The following TCF20 variants were observed in gnomAD, a reference collection of about 807,000 sequenced individuals.
The protein encoded by TCF20 is SPRE-binding protein.
Under a neutral mutation model 148.6 loss-of-function variants are expected in TCF20, and 3 were observed. That is an observed-to-expected ratio of 0.02 (90% confidence interval 0.01 to 0.05). The LOEUF is 0.05. Among genes scored for constraint, TCF20 ranks in the 10% least tolerant of loss-of-function variants. TCF20 has a pLI of 1.00. For missense variants in TCF20, 2,350 were observed against 2,429.3 expected (o/e 0.97, Z 0.69); for synonymous variants, 1,049 against 909.5 (o/e 1.15, Z -2.76).
chr22:42,273,036 C>T (rs1812877381), upstream of TCF20, among the ~76,000 whole-genome samples: 1 of 151,918 alleles, frequency 6.6e-6, no homozygotes, highest in South Asian at 2.1e-4. Flanking sequence ...TTTTTAATTA[C>T]CTCACTCATA....
intron 1 of TCF20, among the ~76,000 whole-genome samples, chr22:42,301,496 A>G (rs999291764): frequency 6.6e-6 from 1 of 152,182 alleles, no homozygotes; most frequent in Non-Finnish European, 1.5e-5. Flanking sequence ...ACAGGAGGGG[A>G]CACTGTTCCC....
intron 2 of TCF20, among the ~76,000 whole-genome samples, chr22:42,187,299 T>A (rs1436097053): frequency 6.6e-6 from 1 of 152,220 alleles, no homozygotes; most frequent in Non-Finnish European, 1.5e-5. Flanking sequence ...CTTTCTTTAA[T>A]CTGATCATCT....
chr22:42,308,230 G>A (rs1927469926), intron 1 of TCF20, among the ~76,000 whole-genome samples: 1 of 152,156 alleles, frequency 6.6e-6, no homozygotes. Flanking sequence ...CTATAGTGAG[G>A]CGGGGGACCC....
intron 1 of TCF20, among the ~76,000 whole-genome samples, chr22:42,250,932 CCA>C (rs1236093176): frequency 6.6e-6 from 1 of 152,104 alleles, no homozygotes; most frequent in Non-Finnish European, 1.5e-5. Flanking sequence ...GTGTGAGGTG[CCA>C]CACTTTTAAA....
chr22:42,172,680 C>T (rs1470628931), intron 3 of TCF20, among the ~76,000 whole-genome samples: 1 of 152,248 alleles, frequency 6.6e-6, no homozygotes, highest in African/African-American at 2.4e-5. Flanking sequence ...CATCCACATG[C>T]TCCCAGGCTG....
At chr22:42,293,385 G>C (rs1601695980) in intron 1 of TCF20, among the ~76,000 whole-genome samples, 1 of 152,368 alleles carries the variant, frequency 6.6e-6, no homozygotes, top group South Asian at 2.1e-4. Context: ...CATTCAGACA[G>C]ACCCAGGGGA....
At chr22:42,305,936 T>C (rs777231157) in intron 1 of TCF20, among the ~76,000 whole-genome samples, 3 of 152,158 alleles carry the variant, frequency 2.0e-5, no homozygotes, top group Admixed American at 6.5e-5. Flanking sequence ...TCCTGGGGGC[T>C]CGGAGACCTC....
chr22:42,217,732 A>T (rs1921955313), intron 1 of TCF20, among the ~76,000 whole-genome samples: 1 of 152,216 alleles, frequency 6.6e-6, no homozygotes, highest in Non-Finnish European at 1.5e-5. Context: ...GATGCTGAAG[A>T]CCTTGCCTGT....
At chr22:42,190,490 C>T (rs1055718489) in intron 2 of TCF20, among the ~76,000 whole-genome samples, 2 of 152,002 alleles carry the variant, frequency 1.3e-5, no homozygotes, top group African/African-American at 4.8e-5. Flanking sequence ...CCTGCACATA[C>T]TTCCCAGGAA....
At chr22:42,267,977 C>T (rs1414438972) in intron 1 of TCF20, among the ~76,000 whole-genome samples, 2 of 152,190 alleles carry the variant, frequency 1.3e-5, no homozygotes, top group East Asian at 3.9e-4. Flanking sequence ...GAAATGTTGT[C>T]TCTACTTAAA....
chr22:42,298,949 G>A (rs931465058), intron 1 of TCF20, among the ~76,000 whole-genome samples: 7 of 152,228 alleles, frequency 4.6e-5, no homozygotes, highest in Non-Finnish European at 8.8e-5. Flanking sequence ...GCAGGGAGGG[G>A]CCGGGCACCA....
In TCF20 at chr22:42,212,383, G is replaced by C; in HGVS notation, c.2923C>G (p.Leu975Val). 2 of 1,614,278 alleles carry C rather than the reference G, an allele frequency of 1.2e-6. No individual in the cohort carries two copies. The highest frequency in any genetic ancestry group is 1.6e-4 in the Middle Eastern group (1 of 6,062). Residue 975 changes from leucine to valine, a missense_variant, in exon 2 of 6, where the codon CTT becomes GTT. Coordinates refer to ENST00000677622, the MANE Select transcript of TCF20 (RefSeq NM_001378418.1). ...ASPGAATHDS[L>V]SDYGPQDSRP... ...CTGTCTTGCGGGCCATAGTCTGAAA[G>C]GGAATCATGGGTTGCTGCTCCAGGG... is the stretch of plus-strand genomic sequence containing the variant.
chr22:42,322,911 TTTC>T (rs1813762250), intron 1 of TCF20, among the ~76,000 whole-genome samples: 1 of 151,126 alleles, frequency 6.6e-6, no homozygotes. Flanking sequence ...TTTGTTTGTT[TTTC>T]GTTTTTTTTG....
At chr22:42,171,810 T>C (rs1569101619) in intron 3 of TCF20, among the ~76,000 whole-genome samples, 1 of 152,152 alleles carries the variant, frequency 6.6e-6, no homozygotes, top group Non-Finnish European at 1.5e-5. Flanking sequence ...ACAGAAACAG[T>C]ACAGCACACG....
At position 42,336,182 on chromosome 22, in the gene TCF20, G is replaced by C. The variant is rs146616121; in HGVS notation, c.-37+7297C>G. The stretch of plus-strand genomic sequence containing the variant: ...CACTTACACGCTCCAGCCGGGATCT[G>C]TTGGGGAGGGGTGGTGGTGGCAAGA... On this transcript the variant is annotated intron_variant, in intron 1 of 1. Coordinates refer to the TCF20 transcript ENST00000515426. Among the ~76,000 whole-genome samples, 131 of 152,322 alleles carry C rather than the reference G, an allele frequency of 8.6e-4. 1 individual carries two copies. The highest frequency in any genetic ancestry group is 2.5e-3 in the South Asian group (12 of 4,822).
intron 1 of TCF20, among the ~76,000 whole-genome samples, chr22:42,255,964 C>T (rs1569189686): frequency 6.6e-6 from 1 of 152,118 alleles, no homozygotes; most frequent in Non-Finnish European, 1.5e-5. Flanking sequence ...GCCTAAGGGC[C>T]CAGGGTTTGA....
chr22:42,167,889 A>AT (rs75936403), intron 5 of TCF20, among the ~76,000 whole-genome samples: 2,731 of 140,452 alleles, frequency 0.019, 42 homozygotes, highest in African/African-American at 0.039. Context: ...CGCACGGCTA[A>AT]TTTTTTTTTT....
chr22:42,254,958 TCAAAA>T (rs1925643507), intron 1 of TCF20, among the ~76,000 whole-genome samples: 1 of 8,158 alleles, frequency 1.2e-4, no homozygotes. Flanking sequence ...AGACTCCGTC[TCAAAA>T]AAAAAAAAAA....
chr22:42,170,293 G>T (rs1186518393), intron 3 of TCF20, among the ~76,000 whole-genome samples: 1 of 150,390 alleles, frequency 6.6e-6, no homozygotes, highest in Non-Finnish European at 1.5e-5. Flanking sequence ...GAATCCAAGA[G>T]TCAAGACCAG....
Sources: gnomAD v4.1 joint callset for allele counts (sites outside exome capture counted in the v4.1 genomes callset) on GRCh38, gnomAD v4.1.1 for gene constraint, MANE v1.5 for transcripts, NCBI Gene and HGNC (gene_info 2026-07-23, HGNC 2026-07-21) for gene names.